Variants in NDUFA5 observed in about 807,000 individuals in gnomAD.
NDUFA5 encodes the protein NADH:ubiquinone oxidoreductase subunit A5, also known as NADH dehydrogenase [ubiquinone] 1 alpha subcomplex subunit 5.
In NDUFA5, 11 loss-of-function variants were observed where a neutral mutation model predicts 19.8. That is an observed-to-expected ratio of 0.56 (90% confidence interval 0.35 to 0.92). The LOEUF (loss-of-function observed/expected upper bound fraction) is 0.92. Ranked by LOEUF, NDUFA5 falls within the 40% of genes least tolerant of loss-of-function variation. NDUFA5 has a pLI of 0.01. For missense variants in NDUFA5, 109 were observed against 134.2 expected, an observed-to-expected ratio of 0.81 and a Z score of 0.93; for synonymous variants, 47 against 46.8, an observed-to-expected ratio of 1.00 and a Z score of -0.01.
At chr7:123,583,390 T>C in the NDUFA5 span, among the ~76,000 whole-genome samples, 1 of 152,020 alleles carries the variant, frequency 6.6e-6, no homozygotes, top group South Asian at 2.1e-4. Flanking sequence ...CCATGAAGTG[T>C]AGCAAATTTC....
intron 4 of NDUFA5, among the ~76,000 whole-genome samples, chr7:123,545,160 A>C (rs1798084077): frequency 6.6e-6 from 1 of 152,150 alleles, no homozygotes; most frequent in Non-Finnish European, 1.5e-5. Flanking sequence ...TTAAGCTCTC[A>C]AATATACTAT....
At chr7:123,592,441 C>T in the NDUFA5 span, among the ~76,000 whole-genome samples, 111,442 of 152,110 alleles carry the variant, frequency 0.73, 40,984 homozygotes, top group African/African-American at 0.8. Context: ...AATTTCCCTC[C>T]ACACACTGCT....
At chr7:123,589,318 T>TATC in the NDUFA5 span, among the ~76,000 whole-genome samples, 2 of 149,954 alleles carry the variant, frequency 1.3e-5, no homozygotes, top group Admixed American at 6.7e-5. Flanking sequence ...TTATTATTAT[T>TATC]ATTATCATTA....
intron 4 of NDUFA5, among the ~76,000 whole-genome samples, chr7:123,544,041 T>TCAA (rs1798035370): frequency 6.6e-6 from 1 of 152,096 alleles, no homozygotes; most frequent in African/African-American, 2.4e-5. Flanking sequence ...TGTCCTTCAA[T>TCAA]CAACAGTAAG....
At chr7:123,574,636 AG>A in the NDUFA5 span, among the ~76,000 whole-genome samples, 1 of 152,116 alleles carries the variant, frequency 6.6e-6, no homozygotes, top group African/African-American at 2.4e-5. Flanking sequence ...CCCAAGTTTG[AG>A]GCCCTCTAAC....
chr7:123,574,081 T>C, the NDUFA5 span, among the ~76,000 whole-genome samples: 2 of 152,220 alleles, frequency 1.3e-5, no homozygotes, highest in Non-Finnish European at 2.9e-5. Context: ...TTCCACATGA[T>C]TGTTAGCCTG....
intron 2 of NDUFA5, chr7:123,551,545 A>T: frequency 4.4e-5 from 38 of 855,406 alleles, no homozygotes; most frequent in South Asian, 5.3e-5. Flanking sequence ...AGCACTGCAA[A>T]TTTTTTTTTT....
At chr7:123,546,585 A>G (rs1389533805) in intron 3 of NDUFA5, 19 of 1,013,134 alleles carry the variant, frequency 1.9e-5, no homozygotes, top group Middle Eastern at 2.6e-4. Context: ...ATACCCACAT[A>G]TGTAAATAAG....
chr7:123,582,012 C>T, the NDUFA5 span, among the ~76,000 whole-genome samples: 6 of 151,974 alleles, frequency 3.9e-5, no homozygotes, highest in African/African-American at 1.4e-4. Flanking sequence ...TGCTCCATTT[C>T]CATTTGTGAA....
chr7:123,565,347 A>G, the NDUFA5 span, among the ~76,000 whole-genome samples: 2 of 151,732 alleles, frequency 1.3e-5, no homozygotes, highest in African/African-American at 4.8e-5. Flanking sequence ...CAGACGTAAC[A>G]GACGCACCCA....
the NDUFA5 span, among the ~76,000 whole-genome samples, chr7:123,580,859 TA>T: frequency 1.3e-5 from 2 of 151,830 alleles, no homozygotes; most frequent in African/African-American, 4.8e-5. Context: ...CGCAAACCAC[TA>T]AAAAAACGCA....
the NDUFA5 span, among the ~76,000 whole-genome samples, chr7:123,584,222 G>A: frequency 1.3e-5 from 2 of 150,110 alleles, no homozygotes; most frequent in African/African-American, 4.9e-5. Flanking sequence ...AGTTCCAGGA[G>A]GATCACTGAA....
At chr7:123,595,661 AT>A in the NDUFA5 span, among the ~76,000 whole-genome samples, 1 of 152,254 alleles carries the variant, frequency 6.6e-6, no homozygotes, top group Non-Finnish European at 1.5e-5. Context: ...AATACCTGGC[AT>A]TGCAGATGGT....
At chr7:123,543,803 G>A (rs1268117984) in intron 4 of NDUFA5, among the ~76,000 whole-genome samples, 4 of 152,004 alleles carry the variant, frequency 2.6e-5, no homozygotes, top group South Asian at 4.2e-4. Flanking sequence ...TAAGGTTTGC[G>A]GCAAGTTCCC....
chr7:123,597,448 A>C, the NDUFA5 span, among the ~76,000 whole-genome samples: 2 of 152,184 alleles, frequency 1.3e-5, no homozygotes, highest in Non-Finnish European at 2.9e-5. Flanking sequence ...AAACGTTATC[A>C]TAAGTATCTA....
At chr7:123,588,995 C>T in the NDUFA5 span, among the ~76,000 whole-genome samples, 1 of 151,640 alleles carries the variant, frequency 6.6e-6, no homozygotes, top group Non-Finnish European at 1.5e-5. Flanking sequence ...CATGATCTAT[C>T]CTGGAGAATA....
chr7:123,585,497 C>G, the NDUFA5 span, among the ~76,000 whole-genome samples: 1 of 151,712 alleles, frequency 6.6e-6, no homozygotes, highest in African/African-American at 2.4e-5. Context: ...ATTTTTCCAG[C>G]TTTATTGAGG....
the NDUFA5 span, among the ~76,000 whole-genome samples, chr7:123,581,169 A>G: frequency 3.3e-5 from 5 of 151,944 alleles, no homozygotes; most frequent in African/African-American, 1.2e-4. Context: ...CTCTGAGAGC[A>G]TGAATGTTGC....
chr7:123,574,206 TTC>T, the NDUFA5 span, among the ~76,000 whole-genome samples: 1 of 152,036 alleles, frequency 6.6e-6, no homozygotes, highest in African/African-American at 2.4e-5. Context: ...TCCTTTTTTT[TTC>T]TTTTTTTTTT....
Sources: allele counts gnomAD v4.1 joint callset (sites outside exome capture counted in the v4.1 genomes callset), GRCh38; gene constraint gnomAD v4.1.1; transcripts MANE v1.5; gene names NCBI Gene and HGNC (gene_info 2026-07-23, HGNC 2026-07-21).